NALCN: variants seen among roughly 807,000 people sequenced by gnomAD.
The protein encoded by NALCN is sodium leak channel, non-selective, also known as sodium leak channel NALCN.
In NALCN, 111 loss-of-function variants were observed where a neutral mutation model predicts 225.3. That is an observed-to-expected ratio of 0.49 (90% CI 0.42 to 0.58). The LOEUF (loss-of-function observed/expected upper bound fraction) is 0.58, where lower values mean the gene tolerates loss of function less well. Among genes scored for constraint, NALCN ranks in the 20% least tolerant of loss-of-function variants. The pLI is 0.00. For missense variants in NALCN, 1,378 were observed against 2,202.4 expected (o/e 0.63, Z 7.49); for synonymous variants, 764 against 769.0 (o/e 0.99, Z 0.11).
rs1423926377 is a variant in NALCN, at chr13:101,320,622, C to A, written c.799+24644G>T. Among the ~76,000 whole-genome samples the A allele has an allele frequency of 2.6e-5, 4 of 152,108 alleles. No homozygotes were observed. In the East Asian group the frequency reaches 7.7e-4, roughly 29 times the overall value. ...TATATCCCATTAGACAGTTTACTGC[C>A]TTTCAAGACACCGAGTATAAGGAAG... is the stretch of plus-strand genomic sequence containing the variant. On this transcript the variant is annotated intron_variant, in intron 7 of 43. Transcript: ENST00000251127.
At chr13:101,102,289 A>AG (rs1376986150) in intron 26 of NALCN, among the ~76,000 whole-genome samples, 4 of 152,172 alleles carry the variant, frequency 2.6e-5, no homozygotes, top group African/African-American at 9.6e-5. Context: ...TCTCAAAAAA[A>AG]AAGAAAAAAA....
chr13:101,391,259 TCAAA>T (rs1434906306), intron 3 of NALCN, among the ~76,000 whole-genome samples: 2 of 150,498 alleles, frequency 1.3e-5, no homozygotes, highest in African/African-American at 2.4e-5. Context: ...TAGGAGAAAA[TCAAA>T]CAGAGGAAAG....
chr13:101,184,313 T>G (rs2039362077), intron 14 of NALCN, among the ~76,000 whole-genome samples: 1 of 152,180 alleles, frequency 6.6e-6, no homozygotes, highest in Non-Finnish European at 1.5e-5. Context: ...TTCAGCTTAG[T>G]GGATTTCAAA....
At chr13:101,173,395 G>C (rs150086639) in intron 15 of NALCN, among the ~76,000 whole-genome samples, 1 of 152,060 alleles carries the variant, frequency 6.6e-6, no homozygotes, top group East Asian at 1.9e-4. Context: ...GTGGGCTTTC[G>C]GTCCAAATTG....
chr13:101,376,654 C>T, intron 6 of NALCN, 46 bp downstream of exon 6: 1 of 1,553,318 alleles, frequency 6.4e-7, no homozygotes, highest in Non-Finnish European at 8.6e-7. Flanking sequence ...ACAGAGATAT[C>T]TTTGTTAATC....
At chr13:101,112,073 A>G (rs1459429171) in intron 18 of NALCN, among the ~76,000 whole-genome samples, 2 of 152,206 alleles carry the variant, frequency 1.3e-5, no homozygotes, top group Admixed American at 1.3e-4. Context: ...AATGAGTCAT[A>G]AAGAGAAGTA....
At chr13:101,061,944 C>A in intron 41 of NALCN, 24 bp downstream of exon 41, 3 of 1,601,838 alleles carry the variant, frequency 1.9e-6, no homozygotes, top group Non-Finnish European at 2.6e-6. Flanking sequence ...GGGGACCCAA[C>A]CTGCATGTGT....
chr13:101,116,259 T>TC (rs1394657075), intron 18 of NALCN, among the ~76,000 whole-genome samples: 1 of 151,582 alleles, frequency 6.6e-6, no homozygotes, highest in Non-Finnish European at 1.5e-5. Context: ...TCCTTTTTTT[T>TC]CCCCCTGCAT....
chr13:101,371,171 G>A (rs61973700), intron 6 of NALCN, among the ~76,000 whole-genome samples: 31,937 of 152,038 alleles, frequency 0.21, 3,509 homozygotes, highest in Non-Finnish European at 0.24. Context: ...AATTTGGGTT[G>A]TCACCAGTTT....
intron 6 of NALCN, among the ~76,000 whole-genome samples, chr13:101,350,739 CTT>C (rs1486103879): frequency 6.6e-6 from 1 of 152,150 alleles, no homozygotes; most frequent in Non-Finnish European, 1.5e-5. Context: ...AATTGATAGA[CTT>C]TGAGTAAAGC....
chr13:101,133,960 G>A (rs1161148031), intron 17 of NALCN, among the ~76,000 whole-genome samples: 1 of 152,232 alleles, frequency 6.6e-6, no homozygotes, highest in African/African-American at 2.4e-5. Context: ...ACGAGGTCAG[G>A]AGATCGAGAC....
At chr13:101,060,588 G>A (rs1419042137) in intron 41 of NALCN, among the ~76,000 whole-genome samples, 1 of 151,140 alleles carries the variant, frequency 6.6e-6, no homozygotes, top group East Asian at 1.9e-4. Context: ...ACTGTGCCCA[G>A]CTTATGTCTT....
intron 11 of NALCN, among the ~76,000 whole-genome samples, chr13:101,255,919 C>T (rs58503119): frequency 0.035 from 5,361 of 152,182 alleles, 291 homozygotes; most frequent in African/African-American, 0.11. Flanking sequence ...TGCTGTCACC[C>T]ACTCTCCCTG....
chr13:101,192,895 G>C (rs1486410244), intron 13 of NALCN, among the ~76,000 whole-genome samples: 4 of 152,078 alleles, frequency 2.6e-5, no homozygotes, highest in Non-Finnish European at 2.9e-5. Flanking sequence ...GGAGCAAGTT[G>C]CCCCACTGGA....
chr13:101,275,530 AC>A (rs2042942082), intron 10 of NALCN, among the ~76,000 whole-genome samples: 1 of 152,160 alleles, frequency 6.6e-6, no homozygotes. Flanking sequence ...GTCGCGTACC[AC>A]TGGTAGGTAG....
At position 101,089,276 on chromosome 13, in the gene NALCN, A is replaced by C. The variant is rs551645125; in HGVS notation, c.3489+387T>G. 3.9e-5 allele frequency among the ~76,000 whole-genome samples: 6 copies of C among 152,274 alleles called. No homozygotes were observed. The highest frequency in any genetic ancestry group is 1.2e-4 in the African/African-American group (5 of 41,558). Reference sequence around the variant, plus strand: ...TCACCCCCATCAAAATCCTGAGTTCACCTACTGAGTTACACAGAAGCATAC... The same window carrying C: ...TCACCCCCATCAAAATCCTGAGTTCCCCTACTGAGTTACACAGAAGCATAC... On this transcript the variant is annotated intron_variant, in intron 30 of 43. Coordinates refer to ENST00000251127, the MANE Select transcript of NALCN (RefSeq NM_052867.4). The surrounding 1 kb of genome is among the most constrained non-coding windows in gnomAD (Gnocchi z 4.7).
intron 42 of NALCN, chr13:101,058,479 T>G (rs963043462): frequency 5.7e-6 from 1 of 175,020 alleles, no homozygotes; most frequent in East Asian, 1.7e-4. Flanking sequence ...AGGGAAAGAG[T>G]TCTCTGCAGG....
chr13:101,110,610 A>C lies in NALCN; in HGVS notation c.2364+9T>G. Reference sequence around the variant, plus strand: ...GTTTCTGAAATCCAAAGCATTGCTTAAAACTTACATCTTGAGTCAAAGTTT... The same window carrying C: ...GTTTCTGAAATCCAAAGCATTGCTTCAAACTTACATCTTGAGTCAAAGTTT... On this transcript the variant is annotated intron_variant, in intron 20 of 43. Coordinates refer to ENST00000251127, the MANE Select transcript of NALCN (RefSeq NM_052867.4). 1 of 1,613,692 alleles carries C rather than the reference A, an allele frequency of 6.2e-7. No individual in the cohort carries two copies. The highest frequency in any genetic ancestry group is 8.5e-7 in the Non-Finnish European group (1 of 1,179,744).
chr13:101,340,066 G>C (rs1450843546), intron 7 of NALCN, among the ~76,000 whole-genome samples: 1 of 151,220 alleles, frequency 6.6e-6, no homozygotes, highest in Non-Finnish European at 1.5e-5. Flanking sequence ...AGGAGATCGA[G>C]ACCCTCCTGG....
Sources: allele counts gnomAD v4.1 joint callset (sites outside exome capture counted in the v4.1 genomes callset), GRCh38; gene constraint gnomAD v4.1.1; non-coding constraint Gnocchi (gnomAD v3.1); transcripts MANE v1.5; gene names NCBI Gene and HGNC (gene_info 2026-07-23, HGNC 2026-07-21).